The following FAM151A variants were observed in gnomAD, a reference collection of about 807,000 sequenced individuals.
FAM151A encodes family with sequence similarity 151 member A, also known as protein FAM151A.
In FAM151A, 41 loss-of-function variants were observed where a neutral mutation model predicts 40.4. That is an observed-to-expected ratio of 1.01 (90% CI 0.79 to 1.32). FAM151A has a LOEUF of 1.32. FAM151A is among the 40% of genes most tolerant of loss of function. The pLI, the probability that FAM151A is intolerant of heterozygous loss-of-function variation, is 0.00. For missense variants in FAM151A, 740 were observed against 740.4 expected (o/e 1.00, Z 0.01); for synonymous variants, 337 against 312.5 (o/e 1.08, Z -0.83).
chr1:54,611,173 C>A, intron 6 of FAM151A: 1 of 440,060 alleles, frequency 2.3e-6, no homozygotes, highest in Non-Finnish European at 3.0e-6. Flanking sequence ...GTGGCTCATG[C>A]CTGTAATCCC....
chr1:54,616,797 G>A (rs1027217980), intron 2 of FAM151A, among the ~76,000 whole-genome samples: 5 of 152,134 alleles, frequency 3.3e-5, no homozygotes, highest in African/African-American at 1.2e-4. Context: ...AGGCAAAAAA[G>A]CAAAAAGCTT....
chr1:54,615,623 A>G (rs1200826331), intron 3 of FAM151A, among the ~76,000 whole-genome samples: 1 of 149,172 alleles, frequency 6.7e-6, no homozygotes, highest in East Asian at 2.0e-4. Flanking sequence ...CGTGAGGATG[A>G]GGGAGAGGGA....
At chr1:54,618,904 T>C (rs1299778409) in intron 2 of FAM151A, among the ~76,000 whole-genome samples, 1 of 152,214 alleles carries the variant, frequency 6.6e-6, no homozygotes, top group Admixed American at 6.5e-5. Context: ...TGGTTAGGCA[T>C]TCACTAAGTG....
At chr1:54,618,014 A>T (rs142710139) in intron 2 of FAM151A, among the ~76,000 whole-genome samples, 431 of 152,214 alleles carry the variant, frequency 2.8e-3, no homozygotes, top group Non-Finnish European at 4.0e-3. Context: ...GGCATGAGCC[A>T]CCAGGCCTGG....
intron 2 of FAM151A, among the ~76,000 whole-genome samples, 184 bp downstream of exon 2, chr1:54,619,680 A>C (rs1046891251): frequency 1.3e-5 from 2 of 152,144 alleles, no homozygotes; most frequent in Non-Finnish European, 2.9e-5. Context: ...CTAAGCTCAG[A>C]GTTTGTCAGC....
In FAM151A at chr1:54,623,252, A is replaced by T. The variant is rs750025535; in HGVS notation, c.118+26T>A. On this transcript the variant is annotated intron_variant, in intron 1 of 7. Coordinates refer to ENST00000302250, the MANE Select transcript of FAM151A (RefSeq NM_176782.3). ...GAGCGAGCGATGAGGGAAGCCACTC[A>T]GGATGACATGGGGGGAGGCACCTAC... 73 of 1,530,882 alleles carry T rather than the reference A, an allele frequency of 4.8e-5. 2 individuals carry two copies. The South Asian group carries it at 8.1e-4, about 17-fold the overall frequency. The allele number at this position is 1,530,882 out of a possible 1,614,324, so 94.8% of individuals were successfully genotyped here. A position where few individuals can be genotyped will look rare whatever the true frequency, so the allele number is the denominator to read the frequency against.
rs1218430479 is a variant in FAM151A, at chr1:54,610,412, C to A, written c.1084G>T (p.Asp362Tyr). 5 of 1,612,908 alleles carry A rather than the reference C, an allele frequency of 3.1e-6. No individual in the cohort carries two copies. Among genetic ancestry groups the A allele is most frequent in the Non-Finnish European group, 4.2e-6 (5 of 1,179,262 alleles). ...ACCGGGGCTGAAGGGTAGACCTTAC[C>A]TGGGAGGGTCATTGTTGCTGTTTTA... ...SGKTATMTLP[D>Y]TEGMILLNTG... The change falls in exon 7 of 8, where the codon GAC becomes TAC. Residue 362 changes from aspartate (D) to tyrosine (Y), a missense_variant and splice_region_variant. Coordinates refer to ENST00000302250, the MANE Select transcript of FAM151A (RefSeq NM_176782.3).
At position 54,612,639 on chromosome 1, in the gene FAM151A, G is replaced by A; in HGVS notation, c.647C>T (p.Ser216Phe). 1 of 1,614,130 alleles carries A rather than the reference G, an allele frequency of 6.2e-7. No individual in the cohort carries two copies. The highest frequency in any genetic ancestry group is 8.5e-7 in the Non-Finnish European group (1 of 1,180,012). Reference sequence around the variant, plus strand: ...GGTGTACGTCCTGTTTGGGGACGTGGACATGTAGAAGGTGGTCCAGCCTGG... The same window carrying A: ...GGTGTACGTCCTGTTTGGGGACGTGAACATGTAGAAGGTGGTCCAGCCTGG... ...LSPGWTTFYM[S>F]TSPNRTYTQA... The change falls in exon 5 of 8, where the codon TCC (serine) becomes TTC (phenylalanine). Residue 216 changes from serine (S) to phenylalanine (F), a missense_variant. By Grantham distance (155) the Ser-to-Phe change is radical. Transcript: ENST00000302250.
intron 7 of FAM151A, 50 bp downstream of exon 7, chr1:54,610,362 A>G: frequency 6.3e-7 from 1 of 1,595,056 alleles, no homozygotes; most frequent in Non-Finnish European, 8.5e-7. Context: ...CAAGCAAAGG[A>G]CACCCCTGCA....
chr1:54,622,740 C>CAAA lies in FAM151A; in HGVS notation c.118+535_118+537dup, dbSNP rs113144448. Among the ~76,000 whole-genome samples the CAAA allele has an allele frequency of 2.1e-3, 310 of 148,014 alleles. 1 individual carries two copies. Among genetic ancestry groups the CAAA allele is most frequent in the African/African-American group, 7.4e-3 (301 of 40,514 alleles). On this transcript the variant is annotated intron_variant, in intron 1 of 7. Transcript: ENST00000302250. ...GGGGACAAGAGTGAAAACTCCGTCTCAAAAAAAATAGTTAACGGGACTTTC... is the reference window on the plus strand; with the variant it reads ...GGGGACAAGAGTGAAAACTCCGTCTCAAAAAAAAAAATAGTTAACGGGACTTTC...
intron 2 of FAM151A, among the ~76,000 whole-genome samples, chr1:54,616,402 C>T (rs868762466): frequency 7.3e-5 from 11 of 151,078 alleles, no homozygotes; most frequent in Middle Eastern, 6.8e-3. Context: ...CTTGCTCTAT[C>T]GCCCAGGCTG....
chr1:54,611,629 A>G lies in FAM151A; in HGVS notation c.917T>C (p.Leu306Pro). 6.2e-7 allele frequency: 1 copy of G among 1,613,958 alleles called. No homozygotes were observed. Among genetic ancestry groups the G allele is most frequent in the Non-Finnish European group, 8.5e-7 (1 of 1,179,946 alleles). The change falls in exon 6 of 8, where the codon CTG becomes CCG. Residue 306 changes from leucine (L) to proline (P), a missense_variant. Physicochemically the swap from Leu to Pro is moderately conservative, Grantham distance 98. Coordinates refer to ENST00000302250, the MANE Select transcript of FAM151A (RefSeq NM_176782.3). Reference protein sequence around the residue: ...QVYYDIFEPLLSQFKQLALNA... With the variant: ...QVYYDIFEPLPSQFKQLALNA... ...ACAGGCCAGCTGCTTGAACTGTGACAGGAGAGGCTCAAAGATGTCATAGTA... is the reference window on the plus strand; with the variant it reads ...ACAGGCCAGCTGCTTGAACTGTGACGGGAGAGGCTCAAAGATGTCATAGTA...
chr1:54,612,494 T>C lies in FAM151A; in HGVS notation c.792A>G (p.Gln264=). ...GGTTTGGTGGTTTTCACCTCTCAGA[T>C]TGGCTCAGCAGCCAGCTGAAGTGGG... ...AWPHFSWLLS[Q]SERYSLTLWQ... The change falls in exon 5 of 8, where the codon CAA becomes CAG. Residue 264 remains glutamine, a synonymous_variant. Transcript: ENST00000302250. The C allele has an allele frequency of 1.2e-6, 2 of 1,613,416 alleles. No individual in the cohort carries two copies. The highest frequency in any genetic ancestry group is 1.7e-6 in the Non-Finnish European group (2 of 1,179,548).
chr1:54,619,842 C>T (rs1427033866), intron 2 of FAM151A, 22 bp downstream of exon 2: 9 of 1,612,332 alleles, frequency 5.6e-6, no homozygotes, highest in Admixed American at 1.7e-5. Flanking sequence ...TGGCCTGCCT[C>T]AGTCTTGGCA....
intron 5 of FAM151A, 26 bp downstream of exon 5, chr1:54,612,460 G>A (rs1363283167): frequency 6.4e-7 from 1 of 1,560,978 alleles, no homozygotes; most frequent in Non-Finnish European, 8.8e-7. Flanking sequence ...CTCCAGGAGG[G>A]TGGGGGTGGG....
At chr1:54,614,444 G>C (rs1644150008) in intron 4 of FAM151A, among the ~76,000 whole-genome samples, 1 of 152,178 alleles carries the variant, frequency 6.6e-6, no homozygotes, top group African/African-American at 2.4e-5. Context: ...TGTAGGGGTT[G>C]AGGGGCCCAG....
intron 1 of FAM151A, among the ~76,000 whole-genome samples, chr1:54,622,907 A>G (rs1437959420): frequency 6.6e-6 from 1 of 151,298 alleles, no homozygotes; most frequent in Non-Finnish European, 1.5e-5. Flanking sequence ...AGGCATGATG[A>G]CTCACACCTG....
At chr1:54,620,045 C>A in intron 1 of FAM151A, 38 bp from the exon 2 acceptor site, 1 of 1,603,808 alleles carries the variant, frequency 6.2e-7, no homozygotes. Context: ...CGTCTGTCCT[C>A]GCCCCAGCCC....
intron 1 of FAM151A, among the ~76,000 whole-genome samples, chr1:54,622,753 T>TAACGGGACTTTCTGCTGGGGAAGTC (rs946177154): frequency 6.8e-6 from 1 of 147,480 alleles, no homozygotes; most frequent in South Asian, 2.2e-4. Flanking sequence ...AAAAAATAGT[T>TAACGGGACTTTCTGCTGGGGAAGTC]AACGGGACTT....
Sources: gnomAD v4.1 joint callset for allele counts (sites outside exome capture counted in the v4.1 genomes callset) on GRCh38, gnomAD v4.1.1 for gene constraint, MANE v1.5 for transcripts, NCBI Gene and HGNC (gene_info 2026-07-23, HGNC 2026-07-21) for gene names.